The following RTTN variants were observed in gnomAD, a reference collection of about 807,000 sequenced individuals.
RTTN encodes the protein rotatin.
Under a neutral mutation model 269.2 loss-of-function variants are expected in RTTN, and 182 were observed. That is an observed-to-expected ratio of 0.68 (90% CI 0.60 to 0.76). The LOEUF (loss-of-function observed/expected upper bound fraction) is 0.76. Ranked by LOEUF, RTTN falls within the 30% of genes least tolerant of loss-of-function variation. The pLI is 0.00. For missense variants in RTTN, 2,545 were observed against 2,608.6 expected, an observed-to-expected ratio of 0.98 and a Z score of 0.53; for synonymous variants, 1,006 against 963.5, an observed-to-expected ratio of 1.04 and a Z score of -0.82.
At position 70,075,380 on chromosome 18, in the gene RTTN, AT is replaced by A; in HGVS notation, c.4535del (p.Asp1512ValfsTer9). Reference protein sequence around the residue: ...CMFDLNFSAFDRNSESNDLNG... With the variant: ...CMFDLNFSAFXRNSESNDLNG... Reference sequence around the variant, plus strand: ...TTAAATCATTGCTTTCTGAATTTCTATCAAAAGCAGAAAAATTCAAATCAAA... The same window carrying A: ...TTAAATCATTGCTTTCTGAATTTCTACAAAAGCAGAAAAATTCAAATCAAA... On this transcript the variant is annotated frameshift_variant, in exon 33 of 49. Coordinates refer to ENST00000640769, the MANE Select transcript of RTTN (RefSeq NM_173630.4). LOFTEE classifies it high-confidence loss of function. 6.3e-7 allele frequency: 1 copy of A among 1,589,556 alleles called. No individual in the cohort carries two copies. The highest frequency in any genetic ancestry group is 8.5e-7 in the Non-Finnish European group (1 of 1,170,946).
At chr18:70,174,484 G>A (rs949301504) in intron 11 of RTTN, among the ~76,000 whole-genome samples, 5 of 151,934 alleles carry the variant, frequency 3.3e-5, no homozygotes, top group Non-Finnish European at 7.4e-5. Flanking sequence ...AACTAGTAAT[G>A]CCACTAGGAA....
chr18:70,038,589 C>T (rs2057245716), intron 40 of RTTN, among the ~76,000 whole-genome samples: 1 of 152,138 alleles, frequency 6.6e-6, no homozygotes, highest in East Asian at 1.9e-4. Flanking sequence ...GCCTGGGAAG[C>T]CTCCTCAAGG....
At chr18:70,059,437 T>C (rs113738503) in intron 36 of RTTN, among the ~76,000 whole-genome samples, 132 of 152,306 alleles carry the variant, frequency 8.7e-4, no homozygotes, top group African/African-American at 2.8e-3. Flanking sequence ...CTTAACAAAA[T>C]AACTCCAAAT....
At chr18:70,169,339 C>T (rs2061076417) in intron 11 of RTTN, among the ~76,000 whole-genome samples, 1 of 152,156 alleles carries the variant, frequency 6.6e-6, no homozygotes, top group Non-Finnish European at 1.5e-5. Flanking sequence ...CCCAAACCAA[C>T]TTCTTCTCTC....
intron 35 of RTTN, among the ~76,000 whole-genome samples, chr18:70,065,270 T>TAA (rs61422284): frequency 0.42 from 55,920 of 132,884 alleles, 12,711 homozygotes; most frequent in Middle Eastern, 0.55. Flanking sequence ...CTCTAGAATT[T>TAA]AAAAAAAAAA....
At chr18:70,142,577 T>C (rs1339823563) in intron 18 of RTTN, among the ~76,000 whole-genome samples, 190 bp from the exon 19 acceptor site, 5 of 152,218 alleles carry the variant, frequency 3.3e-5, no homozygotes, top group Non-Finnish European at 5.9e-5. Context: ...CTTCAAGGAA[T>C]TGCCACACTG....
At chr18:70,156,496 A>G (rs11151574) in intron 14 of RTTN, among the ~76,000 whole-genome samples, 126,631 of 152,158 alleles carry the variant, frequency 0.83, 55,738 homozygotes, top group East Asian at 1. Context: ...CTGCGGTCCT[A>G]TGATCTCGCC....
chr18:70,198,269 A>C (rs1353490152), intron 5 of RTTN, among the ~76,000 whole-genome samples: 2 of 152,022 alleles, frequency 1.3e-5, no homozygotes, highest in Non-Finnish European at 2.9e-5. Context: ...TCCCCACCCC[A>C]AAAAAATCAC....
chr18:70,075,997 T>C (rs1357199283), intron 32 of RTTN, among the ~76,000 whole-genome samples: 1 of 151,994 alleles, frequency 6.6e-6, no homozygotes, highest in Non-Finnish European at 1.5e-5. Flanking sequence ...GGTCCATCAA[T>C]ATCCATATGG....
At chr18:70,041,628 G>A (rs1445240038) in intron 40 of RTTN, among the ~76,000 whole-genome samples, 1 of 152,228 alleles carries the variant, frequency 6.6e-6, no homozygotes, top group African/African-American at 2.4e-5. Flanking sequence ...CCAGCCACCA[G>A]TTTCTATGTA....
intron 14 of RTTN, among the ~76,000 whole-genome samples, chr18:70,156,880 T>C (rs1010952675): frequency 2.2e-4 from 33 of 152,236 alleles, no homozygotes; most frequent in African/African-American, 7.7e-4. Flanking sequence ...GGGCTATCTT[T>C]CCCACAAGAC....
At chr18:70,130,864 A>G (rs777829587) in intron 23 of RTTN, 14 of 152,090 alleles carry the variant, frequency 9.2e-5, no homozygotes. Context: ...TTTGATCATT[A>G]TACATTGTAT....
At chr18:70,069,651 A>G (rs1398137942) in intron 34 of RTTN, among the ~76,000 whole-genome samples, 1 of 152,258 alleles carries the variant, frequency 6.6e-6, no homozygotes, top group Non-Finnish European at 1.5e-5. Flanking sequence ...AAGTGATTTC[A>G]CTAGACACTT....
chr18:70,017,172 C>T (rs888048150), intron 46 of RTTN, among the ~76,000 whole-genome samples: 9 of 152,134 alleles, frequency 5.9e-5, no homozygotes, highest in African/African-American at 2.2e-4. Flanking sequence ...GCTCCCCTTC[C>T]TCCAGGTGTC....
chr18:70,082,482 T>C (rs2058595585), intron 32 of RTTN, among the ~76,000 whole-genome samples: 1 of 152,132 alleles, frequency 6.6e-6, no homozygotes, highest in African/African-American at 2.4e-5. Flanking sequence ...AACTCTAAAA[T>C]TGGTTGTTAA....
At chr18:70,099,204 C>A (rs1383690670) in intron 28 of RTTN, among the ~76,000 whole-genome samples, 1 of 152,134 alleles carries the variant, frequency 6.6e-6, no homozygotes, top group East Asian at 1.9e-4. Flanking sequence ...GTTTACAGTT[C>A]CACCAACAGT....
intron 28 of RTTN, among the ~76,000 whole-genome samples, chr18:70,094,602 G>C (rs1424492116): frequency 1.3e-5 from 2 of 152,176 alleles, no homozygotes. Context: ...TTTGTAGTTA[G>C]TTTCTCAATG....
rs185809158 is a variant in RTTN, at chr18:70,166,505, C to T, written c.1803-317G>A. On this transcript the variant is annotated intron_variant, in intron 13 of 48. Coordinates refer to ENST00000640769, the MANE Select transcript of RTTN (RefSeq NM_173630.4). ...GTTCTAAATAGAAATTTGCTGATGT[C>T]CTCAAAATAAATTAACCAATACACA... 9 of 213,934 alleles carry T rather than the reference C, an allele frequency of 4.2e-5. No individual in the cohort carries two copies. In the East Asian group the frequency reaches 7.5e-4, roughly 18 times the overall value. The allele number at this position is 213,934 out of a possible 1,614,324, so 13.3% of individuals were successfully genotyped here. A position where few individuals can be genotyped will look rare whatever the true frequency, so the allele number is the denominator to read the frequency against.
intron 40 of RTTN, among the ~76,000 whole-genome samples, chr18:70,034,253 C>CA (rs775992813): frequency 5.3e-5 from 8 of 151,052 alleles, no homozygotes; most frequent in East Asian, 1.9e-4. Flanking sequence ...GACACAACAA[C>CA]AAAAAAAAGG....
Sources: gnomAD v4.1 joint callset for allele counts (sites outside exome capture counted in the v4.1 genomes callset) on GRCh38, gnomAD v4.1.1 for gene constraint, MANE v1.5 for transcripts, NCBI Gene and HGNC (gene_info 2026-07-23, HGNC 2026-07-21) for gene names.